Variants in FAM177A1 observed in about 807,000 individuals in gnomAD.
FAM177A1 encodes the protein protein FAM177A1.
In FAM177A1, 22 loss-of-function variants were observed where a neutral mutation model predicts 26.1. The ratio of observed to expected loss-of-function variants is 0.84; its 90% CI spans 0.60 to 1.20. The LOEUF is 1.20. Ranked by LOEUF, FAM177A1 falls within the 50% of genes most tolerant of loss-of-function variation. FAM177A1 has a pLI of 0.00. For synonymous variants in FAM177A1, 95 were observed against 99.3 expected (o/e 0.96, Z 0.26); for missense variants, 296 against 291.1 (o/e 1.02, Z -0.12).
chr14:35,057,554 T>C (rs957229259), intron 2 of FAM177A1, among the ~76,000 whole-genome samples: 2 of 152,106 alleles, frequency 1.3e-5, no homozygotes, highest in African/African-American at 4.8e-5. Flanking sequence ...TAATTTTTTG[T>C]ATTTTTAGTA....
Position 35,046,563 on chromosome 14 carries a change from C to A in FAM177A1, c.100C>A (p.Arg34=). ...MDQEPVGGVE[R]GEAVAASGAA... Reference sequence around the variant, plus strand: ...CCAGGAGCCAGTGGGCGGTGTGGAACGAGGAGAAGCCGTCGCAGCCTCGGG... The same window carrying A: ...CCAGGAGCCAGTGGGCGGTGTGGAAAGAGGAGAAGCCGTCGCAGCCTCGGG... The change falls in exon 1 of 5, where the codon CGA becomes AGA. Residue 34 remains arginine (R), a synonymous_variant. Transcript: ENST00000280987. 1 of 1,585,846 alleles carries A rather than the reference C, an allele frequency of 6.3e-7. No homozygotes were observed.
intron 2 of FAM177A1, among the ~76,000 whole-genome samples, chr14:35,073,289 C>G (rs1213341138): frequency 6.6e-6 from 1 of 152,172 alleles, no homozygotes; most frequent in Non-Finnish European, 1.5e-5. Flanking sequence ...AGGCTGGTCG[C>G]AAAATCCTGA....
chr14:35,059,572 A>G (rs554878728), intron 2 of FAM177A1, among the ~76,000 whole-genome samples: 36 of 139,124 alleles, frequency 2.6e-4, no homozygotes, highest in Non-Finnish European at 4.9e-4. Context: ...AGTCTCACTC[A>G]TCGCCAGGCT....
intron 2 of FAM177A1, among the ~76,000 whole-genome samples, chr14:35,071,915 CA>C (rs1157475555): frequency 4.6e-5 from 7 of 152,146 alleles, no homozygotes; most frequent in African/African-American, 1.7e-4. Context: ...AGCATAAAGT[CA>C]ATTAACACAT....
chr14:35,065,316 CCATAATGTAT>C, intron 2 of FAM177A1, among the ~76,000 whole-genome samples: 2 of 149,432 alleles, frequency 1.3e-5, no homozygotes, highest in African/African-American at 4.9e-5. Context: ...ATATATTAAA[CCATAATGTAT>C]TCAGCCACTC....
At chr14:35,080,345 C>G (rs2045461270) in intron 4 of FAM177A1, among the ~76,000 whole-genome samples, 1 of 152,162 alleles carries the variant, frequency 6.6e-6, no homozygotes, top group African/African-American at 2.4e-5. Flanking sequence ...AATGAACCAA[C>G]CTATTCAACC....
chr14:35,062,089 T>G (rs925718887), intron 2 of FAM177A1, among the ~76,000 whole-genome samples: 4 of 152,210 alleles, frequency 2.6e-5, no homozygotes, highest in Non-Finnish European at 5.9e-5. Context: ...GAAGTGCAGT[T>G]TCTGCCTTCC....
chr14:35,047,782 C>CAAA (rs902316921), intron 1 of FAM177A1, among the ~76,000 whole-genome samples: 10 of 58,954 alleles, frequency 1.7e-4, no homozygotes, highest in African/African-American at 5.0e-4. Flanking sequence ...ACAACAACAA[C>CAAA]AAAAAAAAAA....
At chr14:35,061,937 AC>A (rs995453187) in intron 2 of FAM177A1, among the ~76,000 whole-genome samples, 43 of 151,766 alleles carry the variant, frequency 2.8e-4, no homozygotes, top group African/African-American at 9.9e-4. Context: ...GAAGAGAGTC[AC>A]CCCCTGTCAA....
At chr14:35,055,596 G>A (rs2138532775) in intron 2 of FAM177A1, among the ~76,000 whole-genome samples, 1 of 151,984 alleles carries the variant, frequency 6.6e-6, no homozygotes, top group Non-Finnish European at 1.5e-5. Flanking sequence ...TCCACGCCCG[G>A]CTAATTTTTG....
chr14:35,073,085 T>C (rs931179141), intron 2 of FAM177A1, among the ~76,000 whole-genome samples: 1 of 146,448 alleles, frequency 6.8e-6, no homozygotes, highest in South Asian at 2.2e-4. Context: ...TCTTCTTCTT[T>C]TTTTTGAGAC....
chr14:35,046,826 C>T, intron 1 of FAM177A1, 198 bp downstream of exon 1: 2 of 1,367,314 alleles, frequency 1.5e-6, no homozygotes, highest in Non-Finnish European at 1.9e-6. Flanking sequence ...TCACCAACCC[C>T]TTGGCTGGCA....
At chr14:35,062,110 G>A (rs988899547) in intron 2 of FAM177A1, among the ~76,000 whole-genome samples, 2 of 152,180 alleles carry the variant, frequency 1.3e-5, no homozygotes, top group Non-Finnish European at 2.9e-5. Context: ...TTTGCTGGGA[G>A]GGTGCTGAGA....
chr14:35,079,164 T>C (rs920833881), intron 4 of FAM177A1, 140 bp downstream of exon 4: 110 of 609,194 alleles, frequency 1.8e-4, no homozygotes, highest in Middle Eastern at 1.3e-3. Context: ...ATCATTAATT[T>C]CTTTTATCAA....
chr14:35,075,106 G>A (rs1481985801), intron 2 of FAM177A1, among the ~76,000 whole-genome samples: 1 of 152,104 alleles, frequency 6.6e-6, no homozygotes, highest in Admixed American at 6.6e-5. Flanking sequence ...GTTTTCTTTG[G>A]ATAAACGTAT....
At chr14:35,065,051 T>C (rs185948685) in intron 2 of FAM177A1, among the ~76,000 whole-genome samples, 82 of 150,134 alleles carry the variant, frequency 5.5e-4, no homozygotes, top group African/African-American at 2.0e-3. Context: ...ATGTTAATAT[T>C]AGTCTGTCAC....
intron 2 of FAM177A1, among the ~76,000 whole-genome samples, chr14:35,059,367 C>T (rs180842241): frequency 1.3e-5 from 2 of 152,124 alleles, no homozygotes; most frequent in African/African-American, 4.8e-5. Context: ...CTAACAATCT[C>T]TGCCCTTTGA....
intron 2 of FAM177A1, among the ~76,000 whole-genome samples, chr14:35,061,161 G>T (rs891027312): frequency 2.7e-4 from 41 of 152,260 alleles, no homozygotes; most frequent in Admixed American, 9.8e-4. Context: ...CAGATAAAGG[G>T]GGACCACTGT....
intron 3 of FAM177A1, among the ~76,000 whole-genome samples, chr14:35,077,696 A>G (rs531798979): frequency 1.4e-3 from 217 of 151,254 alleles, no homozygotes; most frequent in African/African-American, 5.1e-3. Flanking sequence ...GTTGGCCAGG[A>G]TGGTCTCGAT....
Sources: allele counts gnomAD v4.1 joint callset (sites outside exome capture counted in the v4.1 genomes callset), GRCh38; gene constraint gnomAD v4.1.1; transcripts MANE v1.5; gene names NCBI Gene and HGNC (gene_info 2026-07-23, HGNC 2026-07-21).